Variants in RAB10 observed in about 807,000 individuals in gnomAD.
RAB10 encodes the protein ras-related protein Rab-10.
In RAB10, 5 loss-of-function variants were observed where a neutral mutation model predicts 25.7. That is an observed-to-expected ratio of 0.19 (90% confidence interval 0.10 to 0.41). The LOEUF is 0.41. Ranked by LOEUF, RAB10 falls within the 10% of genes least tolerant of loss-of-function variation. RAB10 has a pLI of 1.00. For missense variants in RAB10, 103 were observed against 245.8 expected, an observed-to-expected ratio of 0.42 and a Z score of 3.89; for synonymous variants, 89 against 86.4, an observed-to-expected ratio of 1.03 and a Z score of -0.16.
intron 3 of RAB10, among the ~76,000 whole-genome samples, chr2:26,120,571 G>A (rs1667783073): frequency 6.6e-6 from 1 of 152,008 alleles, no homozygotes; most frequent in African/African-American, 2.4e-5. Context: ...TAAGACCATG[G>A]AATCCCTAAA....
chr2:26,056,676 A>G (rs961796451), intron 1 of RAB10, among the ~76,000 whole-genome samples: 3 of 152,310 alleles, frequency 2.0e-5, no homozygotes, highest in African/African-American at 7.2e-5. Context: ...CACCCTGGCT[A>G]GAGTGTAGTG....
intron 1 of RAB10, 116 bp downstream of exon 1, chr2:26,034,851 G>A: frequency 7.1e-7 from 1 of 1,415,280 alleles, no homozygotes; most frequent in Non-Finnish European, 9.7e-7. Context: ...GATTCCAAAC[G>A]ACACATCCAA....
chr2:26,043,725 C>T (rs1197226661), intron 1 of RAB10, among the ~76,000 whole-genome samples: 1 of 152,094 alleles, frequency 6.6e-6, no homozygotes, highest in Non-Finnish European at 1.5e-5. Context: ...ATAGTGGTTA[C>T]TGGGGCCTGG....
intron 5 of RAB10, among the ~76,000 whole-genome samples, chr2:26,129,199 G>A (rs1346288594): frequency 2.0e-5 from 3 of 149,320 alleles, no homozygotes; most frequent in Admixed American, 6.7e-5. Flanking sequence ...GAACCAGGGA[G>A]TCAGAGGTTG....
rs186939314 is a variant in RAB10, at chr2:26,087,472, G to A, written c.128-11190G>A. On this transcript the variant is annotated intron_variant, in intron 1 of 5. Coordinates refer to ENST00000264710, the MANE Select transcript of RAB10 (RefSeq NM_016131.5). ...GGCTGGAGTGCAATGGCGCAATCTCGGCTCACCGCAACCTCTGCCTTCTGG... is the reference window on the plus strand; with the variant it reads ...GGCTGGAGTGCAATGGCGCAATCTCAGCTCACCGCAACCTCTGCCTTCTGG... Among the ~76,000 whole-genome samples, 244 of 152,138 alleles carry A rather than the reference G, an allele frequency of 1.6e-3. 1 individual carries two copies. Among genetic ancestry groups the A allele is most frequent in the African/African-American group, 5.5e-3 (228 of 41,488 alleles).
chr2:26,088,525 A>C (rs763197092), intron 1 of RAB10, among the ~76,000 whole-genome samples: 1 of 152,160 alleles, frequency 6.6e-6, no homozygotes, highest in Non-Finnish European at 1.5e-5. Flanking sequence ...AGGCTTTTCT[A>C]GCATCTCTTA....
At chr2:26,072,611 G>A (rs932927278) in intron 1 of RAB10, among the ~76,000 whole-genome samples, 1 of 152,080 alleles carries the variant, frequency 6.6e-6, no homozygotes, top group Non-Finnish European at 1.5e-5. Flanking sequence ...AGGATTATCT[G>A]AATAGGTTCT....
chr2:26,071,084 A>G (rs1323483428), intron 1 of RAB10, among the ~76,000 whole-genome samples: 1 of 152,198 alleles, frequency 6.6e-6, no homozygotes, highest in African/African-American at 2.4e-5. Context: ...AATTTTCCTC[A>G]AGAATATCCT....
chr2:26,080,006 G>GT (rs1434719440), intron 1 of RAB10, among the ~76,000 whole-genome samples: 2 of 152,146 alleles, frequency 1.3e-5, no homozygotes, highest in Non-Finnish European at 2.9e-5. Flanking sequence ...TGAAGAACTT[G>GT]TTTATTTCAG....
intron 3 of RAB10, among the ~76,000 whole-genome samples, chr2:26,126,914 T>C (rs771728712): frequency 3.3e-5 from 5 of 152,218 alleles, no homozygotes; most frequent in Non-Finnish European, 5.9e-5. Context: ...CAGCCTCCTT[T>C]AGGGAGGAAA....
In RAB10 at chr2:26,136,343, T is replaced by C. The variant is rs571607398; in HGVS notation, c.*1322T>C. ...GAGATTTGGCCTCTGAAGAACACTT[T>C]TTCAGTGTTAAGTTTCTTTACCTTA... On this transcript the variant is annotated 3_prime_UTR_variant, in exon 6 of 6. Coordinates refer to ENST00000264710, the MANE Select transcript of RAB10 (RefSeq NM_016131.5). 5 of 152,744 alleles carry C rather than the reference T, an allele frequency of 3.3e-5. No individual in the cohort carries two copies. The South Asian group carries it at 1.0e-3, about 32-fold the overall frequency. The allele number at this position is 152,744 out of a possible 1,614,324, so 9.5% of individuals were successfully genotyped here.
At chr2:26,093,340 T>G (rs567588959) in intron 1 of RAB10, among the ~76,000 whole-genome samples, 1 of 152,276 alleles carries the variant, frequency 6.6e-6, no homozygotes, top group Admixed American at 6.5e-5. Context: ...TATTTGAAGT[T>G]TTAATTATTG....
intron 1 of RAB10, among the ~76,000 whole-genome samples, chr2:26,069,621 G>A (rs528618236): frequency 6.6e-6 from 1 of 151,794 alleles, no homozygotes; most frequent in Non-Finnish European, 1.5e-5. Context: ...AGCCCAGATC[G>A]CACCACTGCA....
intron 3 of RAB10, among the ~76,000 whole-genome samples, chr2:26,121,982 C>T (rs1667810669): frequency 2.0e-5 from 3 of 152,094 alleles, no homozygotes; most frequent in Non-Finnish European, 2.9e-5. Flanking sequence ...GTGGTTCTTG[C>T]GTGTTTTCAT....
intron 3 of RAB10, among the ~76,000 whole-genome samples, chr2:26,116,546 GTGTTTTTT>G (rs1352977730): frequency 3.5e-5 from 3 of 84,794 alleles, no homozygotes; most frequent in African/African-American, 1.3e-4. Flanking sequence ...TTTCTGTCTT[GTGTTTTTT>G]TTTTTTTTTT....
In RAB10 at chr2:26,034,125, A is replaced by G. The variant is rs926148264; in HGVS notation, c.-484A>G. ...ACGCCGGCGTGAGAGGGCACGGGGA[A>G]AAGGTGGCTCTGGCCGGGGTGGCTC... On this transcript the variant is annotated 5_prime_UTR_variant, in exon 1 of 6. Coordinates refer to ENST00000264710, the MANE Select transcript of RAB10 (RefSeq NM_016131.5). 9.9e-6 allele frequency: 4 copies of G among 404,088 alleles called. No individual in the cohort carries two copies. Among genetic ancestry groups the G allele is most frequent in the East Asian group, 7.1e-5 (2 of 28,298 alleles). 25.0% of individuals were successfully genotyped at this position (404,088 alleles called of 1,614,324 possible).
intron 1 of RAB10, among the ~76,000 whole-genome samples, chr2:26,047,723 GTTTT>G (rs34517359): frequency 2.8e-5 from 3 of 107,868 alleles, no homozygotes; most frequent in South Asian, 6.2e-4. Flanking sequence ...TGCCTGGCCT[GTTTT>G]TTTTTTTTTT....
At chr2:26,061,357 T>C (rs1294823098) in intron 1 of RAB10, among the ~76,000 whole-genome samples, 1 of 151,980 alleles carries the variant, frequency 6.6e-6, no homozygotes, top group Non-Finnish European at 1.5e-5. Flanking sequence ...GCTCAATTGA[T>C]TTGCCCACCT....
Position 26,127,844 on chromosome 2 carries a change from T to G in RAB10, c.418-6T>G. On this transcript the variant is annotated splice_region_variant and splice_polypyrimidine_tract_variant and intron_variant, in intron 4 of 5. Transcript: ENST00000264710. ...ATTTTATGATGATATTTTGTTTCTG[T>G]TTTAGATTGCAAGGGAGCATGGTAT... 2 of 1,579,798 alleles carry G rather than the reference T, an allele frequency of 1.3e-6. No homozygotes were observed. Among genetic ancestry groups the G allele is most frequent in the Non-Finnish European group, 8.7e-7 (1 of 1,148,918 alleles).
Sources: allele counts gnomAD v4.1 joint callset (sites outside exome capture counted in the v4.1 genomes callset), GRCh38; gene constraint gnomAD v4.1.1; transcripts MANE v1.5; gene names NCBI Gene and HGNC (gene_info 2026-07-23, HGNC 2026-07-21).